The following UGT2B28 variants were observed in gnomAD, a reference collection of about 807,000 sequenced individuals.
UGT2B28 encodes UDP-glucuronosyltransferase 2B28.
A neutral mutation model predicts 43.6 loss-of-function variants in UGT2B28; 45 were observed. That is an observed-to-expected ratio of 1.03 (90% confidence interval 0.81 to 1.32). UGT2B28 has a LOEUF of 1.32. Among genes scored for constraint, UGT2B28 ranks in the 40% most tolerant of loss-of-function variants. UGT2B28 has a pLI of 0.00. For missense variants in UGT2B28, 649 were observed against 625.5 expected (o/e 1.04, Z -0.40); for synonymous variants, 204 against 208.1 (o/e 0.98, Z 0.17).
At position 69,290,404 on chromosome 4, in the gene UGT2B28, G is replaced by A. The variant is rs144675750; in HGVS notation, c.1091-188G>A. Among the ~76,000 whole-genome samples, 743 of 140,132 alleles carry A rather than the reference G, an allele frequency of 5.3e-3. 119 individuals carry two copies. The highest frequency in any genetic ancestry group is 0.026 in the Middle Eastern group (7 of 274). 91.9% of individuals were successfully genotyped at this position (140,132 alleles called of 152,430 possible). ...CTTGTATTCAGTTTTGCACCCTGAA[G>A]TTATGCACACCACGGAGACTTCAAT... On this transcript the variant is annotated intron_variant, in intron 4 of 5. Coordinates refer to ENST00000335568, the MANE Select transcript of UGT2B28 (RefSeq NM_053039.2).
In UGT2B28 at chr4:69,281,371, A is replaced by G. The variant is rs1723604163; in HGVS notation, c.721+150A>G. 5.7e-6 allele frequency: 6 copies of G among 1,052,806 alleles called. 1 individual carries two copies. The highest frequency in any genetic ancestry group is 7.5e-6 in the Non-Finnish European group (6 of 795,620). 65.2% of individuals were successfully genotyped at this position (1,052,806 alleles called of 1,614,324 possible). ...ACAAGATGATCTATCAATCTCACAA[A>G]CATTATAGAAAAGCTTAAATTATAA... is the stretch of plus-strand genomic sequence containing the variant. On this transcript the variant is annotated intron_variant, in intron 1 of 5. Transcript: ENST00000335568.
At position 69,286,538 on chromosome 4, in the gene UGT2B28, A is replaced by T. The variant is rs533670051; in HGVS notation, c.871-214A>T. Among the ~76,000 whole-genome samples, 105 of 135,926 alleles carry T rather than the reference A, an allele frequency of 7.7e-4. 18 individuals are homozygous for T. Among genetic ancestry groups the T allele is most frequent in the African/African-American group, 2.7e-3 (91 of 34,090 alleles). 89.2% of individuals were successfully genotyped at this position (135,926 alleles called of 152,430 possible). A position where few individuals can be genotyped will look rare whatever the true frequency, so the allele number is the denominator to read the frequency against. ...ACACATGCAGACACATACCTACATA[A>T]ACACACATATTTACACAAATATCCT... is the stretch of plus-strand genomic sequence containing the variant. On this transcript the variant is annotated intron_variant, in intron 2 of 5. Transcript: ENST00000335568.
Position 69,280,967 on chromosome 4 carries a change from G to GT in UGT2B28, c.468dup (p.Gly157TrpfsTer2), listed in dbSNP as rs892790095. Reference sequence around the variant, plus strand: ...ATTTTTGCAGATGCTTTTTTTCCTTGTGGTGAGCTGCTGGCTGCGCTACTT... The same window carrying GT: ...ATTTTTGCAGATGCTTTTTTTCCTTGTTGGTGAGCTGCTGGCTGCGCTACTT... On this transcript the variant is annotated frameshift_variant, in exon 1 of 6. Transcript: ENST00000335568. LOFTEE classifies it high-confidence loss of function. The GT allele has an allele frequency of 6.4e-6, 10 of 1,559,158 alleles. 1 individual carries two copies. In the African/African-American group the frequency reaches 1.5e-4, roughly 24 times the overall value.
intron 5 of UGT2B28, among the ~76,000 whole-genome samples, chr4:69,292,766 T>C (rs1723990378): frequency 7.2e-6 from 1 of 139,768 alleles, no homozygotes; most frequent in Non-Finnish European, 1.5e-5. Flanking sequence ...TTAGGAAATA[T>C]AAAAAGATTC....
chr4:69,290,803 T>A lies in UGT2B28; in HGVS notation c.1302T>A (p.Asn434Lys). The change falls in exon 5 of 6, where the codon AAT becomes AAA. Residue 434 changes from asparagine to lysine, a missense_variant. Transcript: ENST00000335568. ...DLLNALKTVI[N>K]DPSYKENVMK... ...TGAATGCACTGAAGACAGTAATTAA[T>A]GATCCTTCGTGAGTAGAACAGTATT... 1 of 1,559,320 alleles carries A rather than the reference T, an allele frequency of 6.4e-7. No homozygotes were observed. Among genetic ancestry groups the A allele is most frequent in the African/African-American group, 1.5e-5 (1 of 66,276 alleles).
rs1367868662 is a variant in UGT2B28 at position 69,281,090 on chromosome 4, T to C, written c.590T>C (p.Val197Ala). The change falls in exon 1 of 6, where the codon GTT becomes GCT. Residue 197 changes from valine to alanine, a missense_variant. Val to Ala is a moderately conservative substitution (Grantham distance 64). Coordinates refer to ENST00000335568, the MANE Select transcript of UGT2B28 (RefSeq NM_053039.2). ...LIFPPSYIPV[V>A]MSKLSDQMTF... ...TTCCCTCCTTCCTACATACCTGTTG[T>C]TATGTCAAAATTAAGTGATCAAATG... The C allele has an allele frequency of 7.7e-6, 12 of 1,559,728 alleles. 3 individuals carry two copies. The highest frequency in any genetic ancestry group is 1.0e-5 in the Non-Finnish European group (12 of 1,155,400).
intron 1 of UGT2B28, among the ~76,000 whole-genome samples, 175 bp from the exon 2 acceptor site, chr4:69,282,339 C>T (rs1290409613): frequency 7.2e-6 from 1 of 139,594 alleles, no homozygotes; most frequent in Non-Finnish European, 1.5e-5. Flanking sequence ...TAAACATGGA[C>T]AAAATATATA....
At chr4:69,284,476 G>T (rs1172563951) in intron 2 of UGT2B28, among the ~76,000 whole-genome samples, 1 of 140,096 alleles carries the variant, frequency 7.1e-6, no homozygotes, top group Admixed American at 7.2e-5. Context: ...AATGCAAATT[G>T]TATGGGCTTT....
Position 69,280,684 on chromosome 4 carries a change from A to G in UGT2B28, c.184A>G (p.Ile62Val). 2 of 1,561,020 alleles carry G rather than the reference A, an allele frequency of 1.3e-6. No individual in the cohort carries two copies. The highest frequency in any genetic ancestry group is 1.7e-6 in the Non-Finnish European group (2 of 1,156,016). Residue 62 changes from isoleucine (I) to valine (V), a missense_variant, in exon 1 of 6, where the codon ATT (isoleucine) becomes GTT (valine). Coordinates refer to ENST00000335568, the MANE Select transcript of UGT2B28 (RefSeq NM_053039.2). ...EVTVLASSAS[I>V]LFDPNDAFTL... ...GACTGTACTGGCATCTTCAGCTTCC[A>G]TTCTTTTTGATCCCAATGACGCATT... is the stretch of plus-strand genomic sequence containing the variant.
At position 69,283,856 on chromosome 4, in the gene UGT2B28, G is replaced by T. The variant is rs1037611923; in HGVS notation, c.870+1194G>T. On this transcript the variant is annotated intron_variant, in intron 2 of 5. Transcript: ENST00000335568. ...TACCCTGTGGACTTGATTAAAATTAGACATATCAATTGTGACAGTAAAATG... is the reference window on the plus strand; with the variant it reads ...TACCCTGTGGACTTGATTAAAATTATACATATCAATTGTGACAGTAAAATG... Among the ~76,000 whole-genome samples, 4 of 139,908 alleles carry T rather than the reference G, an allele frequency of 2.9e-5. 1 individual carries two copies. The highest frequency in any genetic ancestry group is 8.4e-5 in the African/African-American group (3 of 35,790). The allele number at this position is 139,908 out of a possible 152,430, so 91.8% of individuals were successfully genotyped here.
intron 3 of UGT2B28, among the ~76,000 whole-genome samples, chr4:69,287,575 T>C (rs1056136647): frequency 3.6e-5 from 5 of 140,208 alleles, no homozygotes. Context: ...AGAGAAAGGA[T>C]GGAGATGGAT....
At position 69,294,793 on chromosome 4, in the gene UGT2B28, A is replaced by C; in HGVS notation, c.1574A>C (p.Lys525Thr). ...TGGAAGTTTGCTAGAAAAGGGAAGA[A>C]GGGAAAAAGAGATTAGTTATGTCTG... Reference protein sequence around the residue: ...CFWKFARKGKKGKRD With the variant: ...CFWKFARKGKTGKRD Residue 525 changes from lysine (K) to threonine (T), a missense_variant, in exon 6 of 6, where the codon AAG (lysine) becomes ACG (threonine). By Grantham distance (78) the Lys-to-Thr change is moderately conservative. Transcript: ENST00000335568. 6.4e-7 allele frequency: 1 copy of C among 1,556,948 alleles called. No homozygotes were observed. Among genetic ancestry groups the C allele is most frequent in the Non-Finnish European group, 8.7e-7 (1 of 1,154,044 alleles).
intron 2 of UGT2B28, among the ~76,000 whole-genome samples, chr4:69,284,251 G>A (rs1436986009): frequency 2.2e-5 from 3 of 139,396 alleles, no homozygotes; most frequent in Non-Finnish European, 4.6e-5. Flanking sequence ...AGTGCCCTTA[G>A]TTTCAATACG....
chr4:69,294,567 C>T lies in UGT2B28; in HGVS notation c.1348C>T (p.His450Tyr). The T allele has an allele frequency of 1.3e-6, 2 of 1,548,076 alleles. No individual in the cohort carries two copies. The highest frequency in any genetic ancestry group is 1.7e-6 in the Non-Finnish European group (2 of 1,150,898). Residue 450 changes from histidine (H) to tyrosine (Y), a missense_variant, in exon 6 of 6, where the codon CAT (histidine) becomes TAT (tyrosine). By Grantham distance (83) the His-to-Tyr change is moderately conservative (BLOSUM62 2). Coordinates refer to ENST00000335568, the MANE Select transcript of UGT2B28 (RefSeq NM_053039.2). ...ENVMKLSIIQ[H>Y]DQPVKPLHRA... ...TGTTATGAAATTATCAATAATTCAACATGATCAACCAGTAAAGCCCCTGCA... is the reference window on the plus strand; with the variant it reads ...TGTTATGAAATTATCAATAATTCAATATGATCAACCAGTAAAGCCCCTGCA...
rs1723596121 is a variant in UGT2B28 at position 69,281,148 on chromosome 4, T to C, written c.648T>C (p.Tyr216=). 3 of 1,554,446 alleles carry C rather than the reference T, an allele frequency of 1.9e-6. 1 individual carries two copies. The highest frequency in any genetic ancestry group is 4.6e-5 in the East Asian group (2 of 43,560). ...TGGAGAGGGTAAAAAACATGATCTA[T>C]GTGCTTTATTTTGACTTTTGGTTCC... ...TFMERVKNMI[Y]VLYFDFWFQM... The change falls in exon 1 of 6, where the codon TAT becomes TAC. Residue 216 remains tyrosine (Y), a synonymous_variant. Transcript: ENST00000335568.
At position 69,286,936 on chromosome 4, in the gene UGT2B28, G is replaced by T; in HGVS notation, c.1002+53G>T. On this transcript the variant is annotated intron_variant, in intron 3 of 5. Coordinates refer to ENST00000335568, the MANE Select transcript of UGT2B28 (RefSeq NM_053039.2). ...AAAACTACTGAAAGAGGCTGTTAAA[G>T]TTTGAGATCTACACAGAAAGAATAT... 2.8e-6 allele frequency: 4 copies of T among 1,408,040 alleles called. 1 individual carries two copies. The highest frequency in any genetic ancestry group is 3.7e-6 in the Non-Finnish European group (4 of 1,083,348). The allele number at this position is 1,408,040 out of a possible 1,614,324, so 87.2% of individuals were successfully genotyped here.
chr4:69,280,710 C>T lies in UGT2B28; in HGVS notation c.210C>T (p.Phe70=). The change falls in exon 1 of 6, where the codon TTC becomes TTT. Residue 70 remains phenylalanine, a synonymous_variant. Transcript: ENST00000335568. Reference sequence around the variant, plus strand: ...TTCTTTTTGATCCCAATGACGCATTCACTCTTAAACTCGAAGTTTATCCTA... The same window carrying T: ...TTCTTTTTGATCCCAATGACGCATTTACTCTTAAACTCGAAGTTTATCCTA... The part of the protein sequence containing the change: ...ASILFDPNDA[F]TLKLEVYPTS... 1 of 1,560,622 alleles carries T rather than the reference C, an allele frequency of 6.4e-7. No individual in the cohort carries two copies. Among genetic ancestry groups the T allele is most frequent in the Non-Finnish European group, 8.7e-7 (1 of 1,155,936 alleles).
rs761350962 is a variant in UGT2B28 at position 69,290,767 on chromosome 4, T to C, written c.1266T>C (p.Ser422=). The part of the protein sequence containing the change: ...AVRLDFHTMS[S]TDLLNALKTV... Reference sequence around the variant, plus strand: ...GACTGGACTTCCACACAATGTCGAGTACAGACCTGCTGAATGCACTGAAGA... The same window carrying C: ...GACTGGACTTCCACACAATGTCGAGCACAGACCTGCTGAATGCACTGAAGA... Residue 422 remains serine, a synonymous_variant, in exon 5 of 6, where the codon AGT becomes AGC. Coordinates refer to ENST00000335568, the MANE Select transcript of UGT2B28 (RefSeq NM_053039.2). 1 of 1,559,492 alleles carries C rather than the reference T, an allele frequency of 6.4e-7. No individual in the cohort carries two copies. The highest frequency in any genetic ancestry group is 8.7e-7 in the Non-Finnish European group (1 of 1,155,210).
intron 2 of UGT2B28, among the ~76,000 whole-genome samples, chr4:69,283,718 A>C (rs1723689683): frequency 7.1e-6 from 1 of 140,810 alleles, no homozygotes; most frequent in African/African-American, 2.8e-5. Context: ...TATTACCAAT[A>C]CTACTAACTA....
Sources: allele counts gnomAD v4.1 joint callset (sites outside exome capture counted in the v4.1 genomes callset), GRCh38; gene constraint gnomAD v4.1.1; transcripts MANE v1.5; gene names NCBI Gene and HGNC (gene_info 2026-07-23, HGNC 2026-07-21).